The following ACTR3C variants were observed in gnomAD, a reference collection of about 807,000 sequenced individuals.
ACTR3C encodes actin-related protein 3C.
Under a neutral mutation model 26.3 loss-of-function variants are expected in ACTR3C, and 18 were observed. The ratio of observed to expected loss-of-function variants is 0.68; its 90% CI spans 0.47 to 1.01. The LOEUF (loss-of-function observed/expected upper bound fraction) is 1.01. ACTR3C is among the 50% of genes least tolerant of loss of function. The pLI, the probability that ACTR3C is intolerant of heterozygous loss-of-function variation, is 0.00. For synonymous variants in ACTR3C, 55 were observed against 94.5 expected (o/e 0.58, Z 2.42); for missense variants, 184 against 250.7 (o/e 0.73, Z 1.80).
chr7:150,185,282 T>C, the ACTR3C span, among the ~76,000 whole-genome samples: 5 of 113,364 alleles, frequency 4.4e-5, no homozygotes, highest in African/African-American at 2.0e-4. Flanking sequence ...CAGGCGTGTG[T>C]GTGTGTGTGT....
rs572683418 is a variant in ACTR3C at position 150,284,966 on chromosome 7, T to C, written c.472-121A>G. 1.2e-5 allele frequency: 12 copies of C among 974,574 alleles called. No homozygotes were observed. The African/African-American group carries it at 1.5e-4, about 12-fold the overall frequency. 60.4% of individuals were successfully genotyped at this position (974,574 alleles called of 1,614,324 possible). A position where few individuals can be genotyped will look rare whatever the true frequency, so the allele number is the denominator to read the frequency against. ...TTATTATAACTTAAAAGAATTCACA[T>C]TGGAATGAAGGATATGTCAAATGAA... On this transcript the variant is annotated intron_variant, in intron 5 of 7. Transcript: ENST00000683684.
chr7:150,041,178 G>C, the ACTR3C span, among the ~76,000 whole-genome samples: 1 of 150,342 alleles, frequency 6.7e-6, no homozygotes, highest in African/African-American at 2.5e-5. Flanking sequence ...CTGTTGTTGG[G>C]ATCCCCATTT....
At chr7:150,043,729 T>A in the ACTR3C span, among the ~76,000 whole-genome samples, 76 of 152,240 alleles carry the variant, frequency 5.0e-4, no homozygotes, top group African/African-American at 1.8e-3. Context: ...TTGAAAGATT[T>A]AGACTTTTTC....
the ACTR3C span, among the ~76,000 whole-genome samples, chr7:149,977,604 T>TA: frequency 6.6e-6 from 1 of 152,192 alleles, no homozygotes; most frequent in African/African-American, 2.4e-5. Flanking sequence ...CTCCAGAGCA[T>TA]AATGGCCCCT....
At chr7:149,985,207 A>AACACACACACACACACAC in the ACTR3C span, among the ~76,000 whole-genome samples, 6 of 130,850 alleles carry the variant, frequency 4.6e-5, no homozygotes, top group East Asian at 2.3e-4. Flanking sequence ...CAAACAAAGC[A>AACACACACACACACACAC]ACACACACAC....
the ACTR3C span, among the ~76,000 whole-genome samples, chr7:149,893,049 G>A: frequency 2.0e-5 from 3 of 152,244 alleles, no homozygotes; most frequent in Admixed American, 2.0e-4. Context: ...ATACTTAGCA[G>A]TAAATAATCA....
chr7:150,317,891 G>T (rs1159894335), intron 1 of ACTR3C, among the ~76,000 whole-genome samples: 5 of 152,018 alleles, frequency 3.3e-5, no homozygotes, highest in Admixed American at 3.3e-4. Context: ...ATGGGGTTGG[G>T]TTTATCGGCT....
the ACTR3C span, among the ~76,000 whole-genome samples, chr7:149,957,034 G>A: frequency 2.6e-5 from 4 of 152,152 alleles, no homozygotes; most frequent in Non-Finnish European, 4.4e-5. Flanking sequence ...GCTGCATAAA[G>A]GGCCATGTGT....
chr7:150,003,886 G>C, the ACTR3C span, among the ~76,000 whole-genome samples: 17 of 17,972 alleles, frequency 9.5e-4, no homozygotes, highest in African/African-American at 2.9e-3. Context: ...ATGTTATGGG[G>C]TGTGTGTGGT....
chr7:150,109,456 G>A, the ACTR3C span, among the ~76,000 whole-genome samples: 1 of 151,800 alleles, frequency 6.6e-6, no homozygotes, highest in Admixed American at 6.6e-5. Flanking sequence ...GCAGGCCAGA[G>A]TCATGGCAAT....
At chr7:149,896,911 A>T in the ACTR3C span, among the ~76,000 whole-genome samples, 22 of 151,920 alleles carry the variant, frequency 1.4e-4, no homozygotes, top group African/African-American at 2.7e-4. Flanking sequence ...AAATACAAAA[A>T]TTAGCCAGGC....
chr7:150,124,327 A>C, the ACTR3C span, among the ~76,000 whole-genome samples: 1 of 152,200 alleles, frequency 6.6e-6, no homozygotes, highest in East Asian at 1.9e-4. Context: ...TTTTAGCGAA[A>C]TATCTTCATG....
chr7:150,163,292 A>T, the ACTR3C span, among the ~76,000 whole-genome samples: 1 of 152,082 alleles, frequency 6.6e-6, no homozygotes, highest in Non-Finnish European at 1.5e-5. Flanking sequence ...ATCTGGATAA[A>T]GAGTTTGTGT....
chr7:149,918,229 A>G, the ACTR3C span, among the ~76,000 whole-genome samples: 1 of 151,986 alleles, frequency 6.6e-6, no homozygotes, highest in African/African-American at 2.4e-5. Context: ...CCCTTTTGTG[A>G]ATTCTGAACA....
the ACTR3C span, among the ~76,000 whole-genome samples, chr7:150,162,169 A>G: frequency 6.6e-6 from 1 of 152,208 alleles, no homozygotes; most frequent in Admixed American, 6.5e-5. Flanking sequence ...GGAAAATACA[A>G]ATGAAATAAA....
the ACTR3C span, among the ~76,000 whole-genome samples, chr7:150,103,073 ATG>A: frequency 0.21 from 31,513 of 146,698 alleles, 4,085 homozygotes; most frequent in African/African-American, 0.43. Context: ...GTGTGTGTGT[ATG>A]TGTGTGTGTG....
Position 150,261,767 on chromosome 7 carries a change from A to G in ACTR3C, c.565-12713T>C, listed in dbSNP as rs570198425. On this transcript the variant is annotated intron_variant, in intron 6 of 7. Coordinates refer to ENST00000683684, the MANE Select transcript of ACTR3C (RefSeq NM_001164458.2). ...CCCAGTGAGATCTTATTTTCCTTCT[A>G]AAGAAATTGCTGACAGTGGCCCCTA... 2.4e-4 allele frequency among the ~76,000 whole-genome samples: 36 copies of G among 152,386 alleles called. No homozygotes were observed. The East Asian group carries it at 6.9e-3, about 29-fold the overall frequency.
At chr7:150,202,851 C>T in the ACTR3C span, among the ~76,000 whole-genome samples, 1 of 152,158 alleles carries the variant, frequency 6.6e-6, no homozygotes, top group Non-Finnish European at 1.5e-5. Context: ...AAGTAGATAG[C>T]ACAGCTGACA....
the ACTR3C span, among the ~76,000 whole-genome samples, chr7:150,007,392 A>G: frequency 6.6e-6 from 1 of 152,236 alleles, no homozygotes; most frequent in Non-Finnish European, 1.5e-5. Context: ...CTTGAACCCT[A>G]TGCCAGCATT....
Sources: allele counts gnomAD v4.1 joint callset (sites outside exome capture counted in the v4.1 genomes callset), GRCh38; gene constraint gnomAD v4.1.1; transcripts MANE v1.5; gene names NCBI Gene and HGNC (gene_info 2026-07-23, HGNC 2026-07-21).